The following PVT1 variants were observed in gnomAD, a reference collection of about 807,000 sequenced individuals.
The protein encoded by PVT1 is CXCR4/PVT1 fusion.
At chr8:127,922,540 C>T (rs532113660) in intron 3 of PVT1, among the ~76,000 whole-genome samples, 1 of 152,268 alleles carries the variant, frequency 6.6e-6, no homozygotes, top group Non-Finnish European at 1.5e-5. Context: ...TCTTCTTTGC[C>T]TTGACTGCAC....
chr8:127,812,248 C>A (rs35930789), intron 2 of PVT1, among the ~76,000 whole-genome samples: 20,473 of 109,810 alleles, frequency 0.19, 1,925 homozygotes, highest in African/African-American at 0.38. Context: ...GGAAGGAAGG[C>A]AGGAAGGCAG....
At chr8:127,868,787 A>ACACGTATATATATATG (rs756298457) in intron 2 of PVT1, among the ~76,000 whole-genome samples, 5 of 75,160 alleles carry the variant, frequency 6.7e-5, no homozygotes, top group African/African-American at 6.1e-4. Flanking sequence ...ATATATATAT[A>ACACGTATATATATATG]TATATACATA....
rs191479175 is a variant in PVT1 at position 127,897,834 on chromosome 8, A to T, written n.782+6836A>T. Among the ~76,000 whole-genome samples the T allele has an allele frequency of 3.3e-4, 48 of 146,268 alleles. No homozygotes were observed. The East Asian group carries it at 9.1e-3, about 28-fold the overall frequency. Reference sequence around the variant, plus strand: ...GAAAAGAAAAGAAAAGAAAAGAAAGAAAGAAAGAAAGAAAAGAAAGACAGG... The same window carrying T: ...GAAAAGAAAAGAAAAGAAAAGAAAGTAAGAAAGAAAGAAAAGAAAGACAGG... On this transcript the variant is annotated intron_variant and non_coding_transcript_variant, in intron 3 of 10. Transcript: ENST00000651587.
intron 3 of PVT1, among the ~76,000 whole-genome samples, chr8:127,941,340 A>G (rs913809138): frequency 1.3e-5 from 2 of 152,208 alleles, no homozygotes; most frequent in African/African-American, 4.8e-5. Flanking sequence ...AGGAAGTTCT[A>G]TTGCCATGGG....
At position 127,863,569 on chromosome 8, in the gene PVT1, C is replaced by T. The variant is rs1012104847; in HGVS notation, n.373-27020C>T. 1.8e-4 allele frequency among the ~76,000 whole-genome samples: 28 copies of T among 152,316 alleles called. 1 individual carries two copies. The highest frequency in any genetic ancestry group is 1.7e-3 in the South Asian group (8 of 4,832). ...CTTAAACCCCTAAATCAGCTGTTGG[C>T]GTCGGGGGTGGACTTCTCCTTTGTT... On this transcript the variant is annotated intron_variant and non_coding_transcript_variant, in intron 2 of 10. Coordinates refer to ENST00000651587, the Ensembl canonical transcript of PVT1.
chr8:127,863,235 C>T (rs1815249157), intron 2 of PVT1, among the ~76,000 whole-genome samples: 1 of 152,040 alleles, frequency 6.6e-6, no homozygotes, highest in African/African-American at 2.4e-5. Flanking sequence ...CTTCAGCCTC[C>T]CGAGTTGCTG....
At chr8:127,916,710 A>G (rs1197421954) in intron 3 of PVT1, among the ~76,000 whole-genome samples, 1 of 152,168 alleles carries the variant, frequency 6.6e-6, no homozygotes, top group Non-Finnish European at 1.5e-5. Context: ...AGAAGCAGGG[A>G]GAACTGGCCT....
intron 3 of PVT1, among the ~76,000 whole-genome samples, chr8:127,926,292 C>T (rs1816128645): frequency 6.6e-6 from 1 of 152,226 alleles, no homozygotes; most frequent in Admixed American, 6.5e-5. Flanking sequence ...CGCACAGTCC[C>T]TCCGTTGTGA....
intron 4 of PVT1, among the ~76,000 whole-genome samples, chr8:128,024,942 TC>T (rs1817476400): frequency 6.6e-6 from 1 of 152,230 alleles, no homozygotes; most frequent in Admixed American, 6.5e-5. Context: ...CCTCAAGTGA[TC>T]CCATCTTGGC....
chr8:127,971,955 C>T (rs1338981398), intron 3 of PVT1, among the ~76,000 whole-genome samples: 1 of 152,206 alleles, frequency 6.6e-6, no homozygotes, highest in East Asian at 1.9e-4. Context: ...GTGAAGATGG[C>T]CCAGCAAGCC....
At chr8:128,076,342 G>A (rs945552165) in intron 5 of PVT1, among the ~76,000 whole-genome samples, 3 of 152,152 alleles carry the variant, frequency 2.0e-5, no homozygotes, top group African/African-American at 7.2e-5. Flanking sequence ...TTGGGGTGGG[G>A]AAGGGCAATT....
At chr8:128,021,235 A>G (rs896022713) in intron 4 of PVT1, among the ~76,000 whole-genome samples, 2 of 148,036 alleles carry the variant, frequency 1.4e-5, no homozygotes, top group African/African-American at 2.5e-5. Context: ...AGGATTCACA[A>G]TCTCTACTGG....
At chr8:127,829,536 T>C (rs1359163717) in intron 2 of PVT1, among the ~76,000 whole-genome samples, 3 of 152,148 alleles carry the variant, frequency 2.0e-5, no homozygotes, top group African/African-American at 7.2e-5. Flanking sequence ...CTCTTTCACA[T>C]CTATTCTATA....
chr8:127,992,741 G>A (rs893807737), intron 4 of PVT1, among the ~76,000 whole-genome samples: 1 of 152,180 alleles, frequency 6.6e-6, no homozygotes, highest in East Asian at 1.9e-4. Flanking sequence ...AGACAGGATG[G>A]GCTTCTTCCC....
At chr8:127,943,200 C>T (rs973722662) in intron 3 of PVT1, among the ~76,000 whole-genome samples, 9 of 152,148 alleles carry the variant, frequency 5.9e-5, no homozygotes, top group African/African-American at 1.4e-4. Flanking sequence ...GATCCTAACG[C>T]GAAGTCTGAC....
intron 4 of PVT1, among the ~76,000 whole-genome samples, chr8:128,054,607 C>T (rs1434394663): frequency 1.3e-5 from 2 of 152,198 alleles, no homozygotes; most frequent in Non-Finnish European, 2.9e-5. Flanking sequence ...CTTCTGGGCT[C>T]ATTCCTTGAT....
At chr8:127,887,931 GTTTTTTTTTTTTTTTT>G (rs560976785) in intron 2 of PVT1, among the ~76,000 whole-genome samples, 1 of 66,580 alleles carries the variant, frequency 1.5e-5, no homozygotes, top group Non-Finnish European at 2.5e-5. Flanking sequence ...ACTCTATCTT[GTTTTTTTTTTTTTTTT>G]TTTTTTTTTT....
chr8:127,845,508 G>C (rs149078449), intron 2 of PVT1, among the ~76,000 whole-genome samples: 1 of 151,100 alleles, frequency 6.6e-6, no homozygotes, highest in South Asian at 2.1e-4. Flanking sequence ...TAGACCCATC[G>C]TACGCTGAAA....
chr8:127,850,902 G>C (rs1815100236), intron 2 of PVT1, among the ~76,000 whole-genome samples: 1 of 151,970 alleles, frequency 6.6e-6, no homozygotes, highest in African/African-American at 2.4e-5. Flanking sequence ...AGCTACTGGG[G>C]AGGCTGAGGC....
Sources: gnomAD v4.1 joint callset for allele counts (sites outside exome capture counted in the v4.1 genomes callset) on GRCh38, gnomAD v4.1.1 for gene constraint, MANE v1.5 for transcripts, NCBI Gene and HGNC (gene_info 2026-07-23, HGNC 2026-07-21) for gene names.